ERC2: variants seen among roughly 807,000 people sequenced by gnomAD.
ERC2 encodes the protein ERC protein 2.
In ERC2, 42 loss-of-function variants were observed where a neutral mutation model predicts 114.8. The observed-to-expected ratio is 0.37, with a 90% confidence interval of 0.29 to 0.47. The LOEUF (loss-of-function observed/expected upper bound fraction) is 0.47, where lower values mean the gene tolerates loss of function less well. Ranked by LOEUF, ERC2 falls within the 20% of genes least tolerant of loss-of-function variation. The pLI is 0.99. For synonymous variants in ERC2, 454 were observed against 425.5 expected (o/e 1.07, Z -0.82); for missense variants, 939 against 1,150.7 (o/e 0.82, Z 2.66).
chr3:55,974,254 G>A (rs1001503522), intron 12 of ERC2, among the ~76,000 whole-genome samples: 1 of 152,316 alleles, frequency 6.6e-6, no homozygotes, highest in African/African-American at 2.4e-5. Flanking sequence ...CGATTCCACA[G>A]TGTGATTACT....
At chr3:56,045,901 A>G (rs2075431196) in intron 7 of ERC2, among the ~76,000 whole-genome samples, 2 of 152,156 alleles carry the variant, frequency 1.3e-5, no homozygotes, top group South Asian at 2.1e-4. Flanking sequence ...TGAATCACAC[A>G]CCTGCAAAAA....
intron 17 of ERC2, among the ~76,000 whole-genome samples, chr3:55,629,900 C>T (rs754743592): frequency 4.6e-5 from 7 of 152,120 alleles, no homozygotes; most frequent in Non-Finnish European, 7.3e-5. Context: ...AACCATAGAG[C>T]GGGTGGGCTC....
chr3:56,281,159 C>T (rs991426580), intron 3 of ERC2, among the ~76,000 whole-genome samples: 45 of 152,048 alleles, frequency 3.0e-4, no homozygotes, highest in Admixed American at 6.5e-5. Flanking sequence ...GAGGACAGGC[C>T]GGGCACGGTG....
intron 7 of ERC2, among the ~76,000 whole-genome samples, chr3:56,038,507 T>C (rs1477123751): frequency 1.3e-5 from 2 of 152,216 alleles, no homozygotes; most frequent in Admixed American, 6.5e-5. Context: ...AGTTCAACCA[T>C]TGTGGAGGAC....
chr3:56,045,546 A>G (rs1395986665), intron 7 of ERC2, among the ~76,000 whole-genome samples: 1 of 152,162 alleles, frequency 6.6e-6, no homozygotes, highest in Admixed American at 6.6e-5. Context: ...GGGAAGTATA[A>G]TCTTACCTAG....
chr3:56,424,421 T>C (rs1293088052), intron 2 of ERC2, among the ~76,000 whole-genome samples: 1 of 152,174 alleles, frequency 6.6e-6, no homozygotes, highest in African/African-American at 2.4e-5. Context: ...GCCAAGTCTT[T>C]CAGAAGAAAA....
At chr3:56,255,285 T>G (rs554224692) in intron 3 of ERC2, among the ~76,000 whole-genome samples, 4 of 152,290 alleles carry the variant, frequency 2.6e-5, no homozygotes, top group Admixed American at 1.3e-4. Context: ...ATCAACTACT[T>G]AAGGCTGTAA....
At chr3:55,652,553 C>T (rs549777874) in intron 17 of ERC2, among the ~76,000 whole-genome samples, 4 of 152,132 alleles carry the variant, frequency 2.6e-5, no homozygotes, top group Admixed American at 1.3e-4. Flanking sequence ...TATGCATTCT[C>T]TCTTTTGCTC....
intron 17 of ERC2, among the ~76,000 whole-genome samples, chr3:55,607,643 A>AG (rs1449530160): frequency 1.4e-5 from 2 of 144,800 alleles, no homozygotes; most frequent in Admixed American, 6.9e-5. Context: ...ATAAGAAGAG[A>AG]GAAAAAAAAA....
chr3:55,591,134 C>T (rs1809885), intron 17 of ERC2, among the ~76,000 whole-genome samples: 146,383 of 151,966 alleles, frequency 0.96, 70,677 homozygotes, highest in East Asian at 1. Flanking sequence ...GCCATATCTC[C>T]ATAACTTTAA....
At chr3:55,787,489 C>T (rs2149067757) in intron 14 of ERC2, among the ~76,000 whole-genome samples, 1 of 152,170 alleles carries the variant, frequency 6.6e-6, no homozygotes, top group African/African-American at 2.4e-5. Context: ...TGGTTAAGCC[C>T]AGTATGTGAT....
At chr3:55,527,992 A>T (rs1343915714) in intron 17 of ERC2, among the ~76,000 whole-genome samples, 7 of 152,166 alleles carry the variant, frequency 4.6e-5, no homozygotes, top group Non-Finnish European at 1.0e-4. Context: ...TACCTGTCCA[A>T]TAAAGATAGT....
intron 4 of ERC2, among the ~76,000 whole-genome samples, chr3:56,164,322 C>T (rs1374983584): frequency 1.3e-5 from 2 of 151,954 alleles, no homozygotes; most frequent in African/African-American, 2.4e-5. Context: ...CTACACTGGA[C>T]ATTTAATTAA....
At chr3:55,711,590 C>T (rs187633876) in intron 15 of ERC2, among the ~76,000 whole-genome samples, 1 of 152,224 alleles carries the variant, frequency 6.6e-6, no homozygotes, top group African/African-American at 2.4e-5. Flanking sequence ...ATAGAGACTC[C>T]AAAAGGGAAG....
intron 14 of ERC2, 139 bp from the exon 15 acceptor site, chr3:55,735,057 CT>C (rs1342372547): frequency 1.1e-6 from 1 of 943,496 alleles, no homozygotes; most frequent in Non-Finnish European, 1.5e-6. Flanking sequence ...CAAACTAGCT[CT>C]TTGGCTTTCA....
intron 7 of ERC2, among the ~76,000 whole-genome samples, chr3:56,047,249 T>A (rs1352364914): frequency 6.6e-6 from 1 of 152,238 alleles, no homozygotes; most frequent in Non-Finnish European, 1.5e-5. Context: ...TGTTTCGGGA[T>A]GGCCATCAAC....
intron 12 of ERC2, among the ~76,000 whole-genome samples, chr3:55,984,777 C>T (rs2070458323): frequency 6.6e-6 from 1 of 152,154 alleles, no homozygotes; most frequent in Non-Finnish European, 1.5e-5. Flanking sequence ...CGATGAAGTT[C>T]AGGCAGTTCT....
intron 7 of ERC2, among the ~76,000 whole-genome samples, chr3:56,049,818 ATGTG>A (rs3052672): frequency 0.36 from 52,607 of 144,908 alleles, 10,585 homozygotes; most frequent in Non-Finnish European, 0.46. Context: ...CCCATCATAT[ATGTG>A]TGTGTGTGTG....
Position 55,623,662 on chromosome 3 carries a change from A to G in ERC2, c.*39+60132T>C, listed in dbSNP as rs867694449. Among the ~76,000 whole-genome samples, 483 of 151,348 alleles carry G rather than the reference A, an allele frequency of 3.2e-3. 2 individuals are homozygous for G. Among genetic ancestry groups the G allele is most frequent in the African/African-American group, 0.011 (466 of 41,326 alleles). ...AACTGTCCTTCCCACCAAACTATTC[A>G]CCCTGCCACTCTGGTTCATACCCCT... is the stretch of plus-strand genomic sequence containing the variant. On this transcript the variant is annotated intron_variant, in intron 17 of 17. Transcript: ENST00000288221.
Sources: allele counts gnomAD v4.1 joint callset (sites outside exome capture counted in the v4.1 genomes callset), GRCh38; gene constraint gnomAD v4.1.1; transcripts MANE v1.5; gene names NCBI Gene and HGNC (gene_info 2026-07-23, HGNC 2026-07-21).